The following SDCCAG8 variants were observed in gnomAD, a reference collection of about 807,000 sequenced individuals.
SDCCAG8 encodes the protein SHH signaling and ciliogenesis regulator SDCCAG8, also known as serologically defined colon cancer antigen 8.
A neutral mutation model predicts 101.8 loss-of-function variants in SDCCAG8; 74 were observed. That is an observed-to-expected ratio of 0.73 (90% CI 0.60 to 0.88). The LOEUF (loss-of-function observed/expected upper bound fraction) is 0.88, where lower values mean the gene tolerates loss of function less well. SDCCAG8 is among the 40% of genes least tolerant of loss of function. The pLI, the probability that SDCCAG8 is intolerant of heterozygous loss-of-function variation, is 0.00. For missense variants in SDCCAG8, 787 were observed against 822.6 expected (o/e 0.96, Z 0.53); for synonymous variants, 281 against 292.9 (o/e 0.96, Z 0.41).
At chr1:243,437,557 AAC>A (rs1295932155) in intron 16 of SDCCAG8, among the ~76,000 whole-genome samples, 2 of 146,472 alleles carry the variant, frequency 1.4e-5, no homozygotes, top group African/African-American at 5.1e-5. Flanking sequence ...TTTGTATTGA[AAC>A]AGAGTCTCGC....
At chr1:243,371,087 C>T (rs777186469) in intron 12 of SDCCAG8, among the ~76,000 whole-genome samples, 14 of 152,086 alleles carry the variant, frequency 9.2e-5, no homozygotes, top group Admixed American at 3.9e-4. Context: ...GTGAACCAGG[C>T]CCAGGGCTTT....
At chr1:243,324,980 A>G (rs1198659431) in intron 9 of SDCCAG8, among the ~76,000 whole-genome samples, 1 of 152,236 alleles carries the variant, frequency 6.6e-6, no homozygotes, top group Non-Finnish European at 1.5e-5. Flanking sequence ...GCTCAACTCA[A>G]GTGGCAGTCT....
In SDCCAG8 at chr1:243,256,052, C is replaced by G. The variant is rs997379629; in HGVS notation, c.-122C>G. ...GAGCTCTGTGCGGGATTCTAGGCTC[C>G]CCTGTGACAGCCGCGGCAGGAAGCA... On this transcript the variant is annotated 5_prime_UTR_variant, in exon 1 of 18. Transcript: ENST00000366541. The G allele has an allele frequency of 1.1e-6, 1 of 903,302 alleles. No homozygotes were observed. The highest frequency in any genetic ancestry group is 2.4e-5 in the East Asian group (1 of 41,622). 56.0% of individuals were successfully genotyped at this position (903,302 alleles called of 1,614,324 possible).
In SDCCAG8 at chr1:243,415,957, G is replaced by C. The variant is rs916627933; in HGVS notation, c.1744+128G>C. ...GAAGGGAGCAGATGCTAACTACACC[G>C]GAGATTCCGAATTACATATTAGTTA... On this transcript the variant is annotated intron_variant, in intron 14 of 17. Transcript: ENST00000366541. The C allele has an allele frequency of 4.7e-6, 5 of 1,055,796 alleles. No homozygotes were observed. The South Asian group carries it at 7.9e-5, about 17-fold the overall frequency. 65.4% of individuals were successfully genotyped at this position (1,055,796 alleles called of 1,614,324 possible).
In SDCCAG8 at chr1:243,499,791, A is replaced by G; in HGVS notation, c.*6A>G. ...TGCCACAATCTGATTGCTGACCTGGATGGAACAGAGTGAAATAAATGATTT... is the reference window on the plus strand; with the variant it reads ...TGCCACAATCTGATTGCTGACCTGGGTGGAACAGAGTGAAATAAATGATTT... On this transcript the variant is annotated 3_prime_UTR_variant, in exon 18 of 18. Coordinates refer to ENST00000366541, the MANE Select transcript of SDCCAG8 (RefSeq NM_006642.5). 6.2e-7 allele frequency: 1 copy of G among 1,612,388 alleles called. No individual in the cohort carries two copies. The highest frequency in any genetic ancestry group is 8.5e-7 in the Non-Finnish European group (1 of 1,178,780).
At chr1:243,452,408 TCATCTC>T (rs2083430471) in intron 16 of SDCCAG8, among the ~76,000 whole-genome samples, 2 of 104,304 alleles carry the variant, frequency 1.9e-5, no homozygotes, top group African/African-American at 4.3e-5. Flanking sequence ...TGAGATGATC[TCATCTC>T]TTTTTTTTTT....
At chr1:243,368,251 G>C (rs568119952) in intron 12 of SDCCAG8, among the ~76,000 whole-genome samples, 5 of 151,324 alleles carry the variant, frequency 3.3e-5, no homozygotes, top group Non-Finnish European at 7.4e-5. Flanking sequence ...GAAAAGAAGG[G>C]CCAAACTGTT....
chr1:243,308,895 T>A (rs2072434297), intron 8 of SDCCAG8, among the ~76,000 whole-genome samples: 2 of 152,220 alleles, frequency 1.3e-5, no homozygotes, highest in African/African-American at 4.8e-5. Flanking sequence ...CCTACTTTTC[T>A]TTGTGCTCAG....
intron 16 of SDCCAG8, among the ~76,000 whole-genome samples, chr1:243,483,619 C>A (rs112921819): frequency 6.6e-6 from 1 of 151,400 alleles, no homozygotes; most frequent in Admixed American, 6.6e-5. Context: ...GAGGCTTTCT[C>A]TTCCAGCCCC....
At chr1:243,426,591 C>T (rs1293328736) in intron 16 of SDCCAG8, 33 bp downstream of exon 16, 1 of 1,613,564 alleles carries the variant, frequency 6.2e-7, no homozygotes, top group Admixed American at 1.7e-5. Context: ...TCATGTGCCG[C>T]ATATTGAATG....
At chr1:243,368,321 A>G (rs2077101295) in intron 12 of SDCCAG8, among the ~76,000 whole-genome samples, 2 of 152,148 alleles carry the variant, frequency 1.3e-5, no homozygotes, top group South Asian at 4.1e-4. Flanking sequence ...TAGCATATTA[A>G]AGGATTCCTT....
At chr1:243,315,688 G>C (rs1162134735) in intron 8 of SDCCAG8, among the ~76,000 whole-genome samples, 1 of 152,106 alleles carries the variant, frequency 6.6e-6, no homozygotes, top group Non-Finnish European at 1.5e-5. Flanking sequence ...TTCAAGCAGA[G>C]TTTATAATCC....
At chr1:243,265,323 C>A (rs915519092) in intron 1 of SDCCAG8, among the ~76,000 whole-genome samples, 1 of 152,188 alleles carries the variant, frequency 6.6e-6, no homozygotes, top group African/African-American at 2.4e-5. Context: ...CCTAGTAACT[C>A]TGAAATCAGT....
chr1:243,480,292 GTGGATGGATGAGTGGGATGGA>G (rs1663209969), intron 16 of SDCCAG8, among the ~76,000 whole-genome samples: 2 of 144,424 alleles, frequency 1.4e-5, no homozygotes, highest in Non-Finnish European at 1.5e-5. Context: ...GAATGGATGG[GTGGATGGATGAGTGGGATGGA>G]TGGATGGGTG....
At position 243,488,999 on chromosome 1, in the gene SDCCAG8, T is replaced by A; in HGVS notation, c.1986-15T>A. ...ACGTTATCCCTCTTTAATTCTGCGG[T>A]GGATTTTTCTCCAGGCTAAGGCAGC... On this transcript the variant is annotated splice_polypyrimidine_tract_variant and intron_variant, in intron 16 of 17. Transcript: ENST00000366541. The A allele has an allele frequency of 6.2e-7, 1 of 1,613,144 alleles. No individual in the cohort carries two copies. Among genetic ancestry groups the A allele is most frequent in the Non-Finnish European group, 8.5e-7 (1 of 1,180,004 alleles).
chr1:243,399,613 T>A (rs952066789), intron 13 of SDCCAG8, among the ~76,000 whole-genome samples: 7 of 152,112 alleles, frequency 4.6e-5, no homozygotes, highest in African/African-American at 1.7e-4. Context: ...TTCAAGTGAT[T>A]CTCCTGCCTC....
intron 12 of SDCCAG8, among the ~76,000 whole-genome samples, chr1:243,348,695 C>T (rs1248822817): frequency 6.6e-6 from 1 of 151,554 alleles, no homozygotes; most frequent in Admixed American, 6.6e-5. Flanking sequence ...CAATTCTAGC[C>T]GGGCGTGGTG....
intron 16 of SDCCAG8, 71 bp downstream of exon 16, chr1:243,426,629 T>G (rs1050465500): frequency 6.4e-7 from 1 of 1,571,062 alleles, no homozygotes; most frequent in African/African-American, 1.3e-5. Flanking sequence ...GAAGGGGAAT[T>G]GCTGCGGAAT....
chr1:243,385,880 A>G (rs1466881254), intron 13 of SDCCAG8, among the ~76,000 whole-genome samples: 3 of 152,094 alleles, frequency 2.0e-5, no homozygotes, highest in African/African-American at 4.8e-5. Flanking sequence ...GAGGCTCAAG[A>G]ATCACTTGAG....
Sources: allele counts gnomAD v4.1 joint callset (sites outside exome capture counted in the v4.1 genomes callset), GRCh38; gene constraint gnomAD v4.1.1; transcripts MANE v1.5; gene names NCBI Gene and HGNC (gene_info 2026-07-23, HGNC 2026-07-21).